Variants in USP34 observed in about 807,000 individuals in gnomAD.
USP34 encodes the protein ubiquitin carboxyl-terminal hydrolase 34.
A neutral mutation model predicts 460.3 loss-of-function variants in USP34; 70 were observed. The observed-to-expected ratio is 0.15, with a 90% confidence interval of 0.13 to 0.19. The LOEUF is 0.19. USP34 is among the 10% of genes least tolerant of loss of function. USP34 has a pLI of 1.00. For synonymous variants in USP34, 1,647 were observed against 1,405.3 expected (o/e 1.17, Z -3.85); for missense variants, 3,985 against 4,236.2 (o/e 0.94, Z 1.65).
chr2:61,317,805 T>C, intron 22 of USP34, 38 bp from the exon 23 acceptor site: 2 of 1,472,264 alleles, frequency 1.4e-6, no homozygotes, highest in South Asian at 1.2e-5. Context: ...GCTAATTTAG[T>C]GTGGTAATTC....
chr2:61,241,831 TAC>T lies in USP34; in HGVS notation c.6628-14_6628-13del. 6.8e-7 allele frequency: 1 copy of T among 1,468,014 alleles called. No homozygotes were observed. Among genetic ancestry groups the T allele is most frequent in the Non-Finnish European group, 9.2e-7 (1 of 1,091,340 alleles). The allele number at this position is 1,468,014 out of a possible 1,614,324, so 90.9% of individuals were successfully genotyped here. ...TCATAGGTCTTGGTCTGTTTAAAAA[TAC>T]AAAAGTTTTACTTCTTTGAAAAAAT... On this transcript the variant is annotated splice_polypyrimidine_tract_variant and intron_variant, in intron 51 of 79. Coordinates refer to ENST00000398571, the MANE Select transcript of USP34 (RefSeq NM_014709.4).
Position 61,233,509 on chromosome 2 carries a change from G to C in USP34, c.7033-977C>G, listed in dbSNP as rs200305676. On this transcript the variant is annotated intron_variant, in intron 57 of 79. Coordinates refer to ENST00000398571, the MANE Select transcript of USP34 (RefSeq NM_014709.4). ...TTTGAGATGGAGAAAACTGAACATA[G>C]GATGGGTATTAGATGACAAGAATAA... Among the ~76,000 whole-genome samples the C allele has an allele frequency of 7.2e-5, 11 of 152,214 alleles. No individual in the cohort carries two copies. The East Asian group carries it at 1.9e-3, about 27-fold the overall frequency.
chr2:61,203,356 T>C (rs1315427004), intron 74 of USP34, 93 bp from the exon 75 acceptor site: 7 of 1,207,570 alleles, frequency 5.8e-6, no homozygotes, highest in African/African-American at 3.2e-5. Flanking sequence ...AAAAAGCTGA[T>C]TCAATATTTA....
chr2:61,350,742 T>C (rs1004687086), intron 10 of USP34, 49 bp from the exon 11 acceptor site: 36 of 1,575,518 alleles, frequency 2.3e-5, no homozygotes, highest in Non-Finnish European at 2.8e-5. Context: ...GCCCAATACA[T>C]GTAGATTACC....
At chr2:61,338,918 A>T (rs1460681779) in intron 18 of USP34, among the ~76,000 whole-genome samples, 1 of 152,212 alleles carries the variant, frequency 6.6e-6, no homozygotes, top group Non-Finnish European at 1.5e-5. Context: ...ATGCTGAGAC[A>T]TTAAAAGATA....
intron 20 of USP34, among the ~76,000 whole-genome samples, chr2:61,328,772 C>T (rs1237110029): frequency 6.6e-6 from 1 of 152,198 alleles, no homozygotes; most frequent in African/African-American, 2.4e-5. Context: ...AAGTCTCAGA[C>T]CTATGTTCCT....
At chr2:61,395,895 G>C (rs1311986785) in intron 3 of USP34, among the ~76,000 whole-genome samples, 5 of 150,402 alleles carry the variant, frequency 3.3e-5, no homozygotes, top group Non-Finnish European at 7.4e-5. Context: ...GTAAAACCTT[G>C]TCTCTACGAA....
At chr2:61,406,402 C>A (rs1162989758) in intron 2 of USP34, among the ~76,000 whole-genome samples, 3 of 152,026 alleles carry the variant, frequency 2.0e-5, no homozygotes, top group Non-Finnish European at 4.4e-5. Flanking sequence ...TATTTAAAAA[C>A]AAGAATTGTG....
Position 61,311,723 on chromosome 2 carries a change from AAAG to A in USP34, c.3670-39_3670-37del, listed in dbSNP as rs755342785. ...AGATGCAACCAATTTAAAAATACAA[AAAG>A]AACAGATATTTGACCTGGGAAATGT... On this transcript the variant is annotated intron_variant, in intron 26 of 79. Coordinates refer to ENST00000398571, the MANE Select transcript of USP34 (RefSeq NM_014709.4). The A allele has an allele frequency of 5.0e-6, 8 of 1,608,816 alleles. No individual in the cohort carries two copies. The Admixed American group carries it at 1.4e-4, about 27-fold the overall frequency.
intron 1 of USP34, among the ~76,000 whole-genome samples, chr2:61,460,805 A>G (rs1695576020): frequency 2.0e-5 from 3 of 151,992 alleles, no homozygotes; most frequent in African/African-American, 7.2e-5. Context: ...CAACATGGAG[A>G]AACTCTGTCT....
At chr2:61,322,258 G>GA (rs1165094761) in intron 21 of USP34, among the ~76,000 whole-genome samples, 2 of 151,798 alleles carry the variant, frequency 1.3e-5, no homozygotes, top group African/African-American at 4.8e-5. Flanking sequence ...AAGAAAAAAA[G>GA]AAAAAAGGAC....
At chr2:61,306,032 GCC>G in intron 27 of USP34, among the ~76,000 whole-genome samples, 1 of 152,252 alleles carries the variant, frequency 6.6e-6, no homozygotes, top group East Asian at 1.9e-4. Flanking sequence ...TCTGTAGGTT[GCC>G]TGTTCACTCT....
intron 10 of USP34, among the ~76,000 whole-genome samples, chr2:61,363,390 T>A (rs1692330667): frequency 6.6e-6 from 1 of 152,284 alleles, no homozygotes; most frequent in Non-Finnish European, 1.5e-5. Flanking sequence ...AGGATAGGGA[T>A]ACGTTCTGAG....
intron 3 of USP34, among the ~76,000 whole-genome samples, chr2:61,395,751 A>G (rs567054394): frequency 2.4e-5 from 3 of 126,058 alleles, no homozygotes; most frequent in African/African-American, 3.4e-5. Flanking sequence ...GCGCCACAGC[A>G]CTCCCGCCTG....
intron 49 of USP34, among the ~76,000 whole-genome samples, chr2:61,247,841 C>A (rs779170571): frequency 1.3e-5 from 2 of 152,174 alleles, no homozygotes; most frequent in Admixed American, 6.5e-5. Flanking sequence ...GTCGCCCACA[C>A]TGGAGTGCAG....
chr2:61,257,163 G>A (rs769726601), intron 45 of USP34, 41 bp downstream of exon 45: 2 of 1,581,358 alleles, frequency 1.3e-6, no homozygotes, highest in Non-Finnish European at 8.6e-7. Context: ...AGGCAAATTT[G>A]TTCAAATTTC....
chr2:61,406,580 T>G (rs558751560), intron 2 of USP34, among the ~76,000 whole-genome samples: 1 of 151,884 alleles, frequency 6.6e-6, no homozygotes, highest in Non-Finnish European at 1.5e-5. Flanking sequence ...TGAAGGCTAC[T>G]TGGGAGGGGT....
At chr2:61,424,630 C>G (rs1287711778) in intron 1 of USP34, among the ~76,000 whole-genome samples, 1 of 152,142 alleles carries the variant, frequency 6.6e-6, no homozygotes, top group Non-Finnish European at 1.5e-5. Context: ...AATCCCAACA[C>G]TTTGCGAGGC....
Position 61,265,537 on chromosome 2 carries a change from C to T in USP34, c.5638G>A (p.Asp1880Asn). 1 of 1,611,160 alleles carries T rather than the reference C, an allele frequency of 6.2e-7. No individual in the cohort carries two copies. Among genetic ancestry groups the T allele is most frequent in the Non-Finnish European group, 8.5e-7 (1 of 1,177,976 alleles). Residue 1880 changes from aspartate to asparagine, a missense_variant, in exon 43 of 80, where the codon GAT becomes AAT. Physicochemically the swap from Asp to Asn is conservative, Grantham distance 23. This residue lies in a region of USP34 where 1,114 missense variants were observed against 1,122.5 expected (regional missense o/e 0.99). Coordinates refer to ENST00000398571, the MANE Select transcript of USP34 (RefSeq NM_014709.4). ...CGGACATCTTCATGAGGCCAGTAAT[C>T]CCATTTATAAGGTGCATGGGCTGCT... ...HMQSHAPYKW[D>N]YWPHEDVRAE...
Sources: allele counts gnomAD v4.1 joint callset (sites outside exome capture counted in the v4.1 genomes callset), GRCh38; gene constraint gnomAD v4.1.1; regional missense constraint gnomAD v4.1.1; transcripts MANE v1.5; gene names NCBI Gene and HGNC (gene_info 2026-07-23, HGNC 2026-07-21).